CDH18: variants seen among roughly 807,000 people sequenced by gnomAD.
CDH18 encodes the protein cadherin-18.
A neutral mutation model predicts 67.9 loss-of-function variants in CDH18; 31 were observed. The ratio of observed to expected loss-of-function variants is 0.46; its 90% confidence interval spans 0.34 to 0.62. The LOEUF (loss-of-function observed/expected upper bound fraction) is 0.62, where lower values mean the gene tolerates loss of function less well. Among genes scored for constraint, CDH18 ranks in the 20% least tolerant of loss-of-function variants. The pLI is 0.01. For synonymous variants in CDH18, 362 were observed against 347.2 expected, an observed-to-expected ratio of 1.04 and a Z score of -0.48; for missense variants, 890 against 975.5, an observed-to-expected ratio of 0.91 and a Z score of 1.17.
At chr5:19,915,154 T>C (rs1435686100) in intron 2 of CDH18, among the ~76,000 whole-genome samples, 1 of 152,168 alleles carries the variant, frequency 6.6e-6, no homozygotes, top group Admixed American at 6.6e-5. Context: ...AATCTGTCTT[T>C]GATTTCTTAG....
intron 2 of CDH18, among the ~76,000 whole-genome samples, chr5:20,187,827 T>C (rs2126706823): frequency 6.6e-6 from 1 of 151,926 alleles, no homozygotes; most frequent in African/African-American, 2.4e-5. Flanking sequence ...CATATTAGGG[T>C]AGATTTTTAG....
intron 2 of CDH18, among the ~76,000 whole-genome samples, chr5:19,970,246 T>G (rs1797895093): frequency 1.3e-5 from 2 of 151,240 alleles, no homozygotes; most frequent in Non-Finnish European, 3.0e-5. Context: ...TAATACATAT[T>G]ATATATAAAT....
intron 10 of CDH18, 113 bp downstream of exon 10, chr5:19,520,544 A>T: frequency 1.2e-6 from 1 of 855,834 alleles, no homozygotes; most frequent in Non-Finnish European, 1.7e-6. Flanking sequence ...AATTATTTCC[A>T]CTGAGTACAA....
chr5:20,273,530 T>A (rs1745588521), intron 1 of CDH18, among the ~76,000 whole-genome samples: 1 of 152,128 alleles, frequency 6.6e-6, no homozygotes, highest in East Asian at 1.9e-4. Context: ...TGATGCAGTA[T>A]GATAACTAAG....
At chr5:19,776,874 A>G (rs1395181695) in intron 3 of CDH18, among the ~76,000 whole-genome samples, 1 of 152,250 alleles carries the variant, frequency 6.6e-6, no homozygotes, top group Non-Finnish European at 1.5e-5. Flanking sequence ...TAATAGGGAT[A>G]AAATGAAATG....
rs141749892 is a variant in CDH18 at position 19,874,659 on chromosome 5, T to A, written c.-256-35417A>T. 2.1e-3 allele frequency among the ~76,000 whole-genome samples: 317 copies of A among 152,314 alleles called. 6 individuals are homozygous for A. Among genetic ancestry groups the A allele is most frequent in the East Asian group, 4.2e-3 (22 of 5,182 alleles). On this transcript the variant is annotated intron_variant, in intron 2 of 12. Coordinates refer to ENST00000382275, the MANE Select transcript of CDH18 (RefSeq NM_004934.5). ...CATTTTAGAAAAATAAAGAATGGATTTAAAGAGAGAGAAATTGAATTGAAT... is the reference window on the plus strand; with the variant it reads ...CATTTTAGAAAAATAAAGAATGGATATAAAGAGAGAGAAATTGAATTGAAT...
Position 19,884,834 on chromosome 5 carries a change from T to C in CDH18, c.-256-45592A>G, listed in dbSNP as rs533899453. Among the ~76,000 whole-genome samples, 6 of 152,212 alleles carry C rather than the reference T, an allele frequency of 3.9e-5. No homozygotes were observed. In the East Asian group the frequency reaches 1.2e-3, roughly 29 times the overall value. On this transcript the variant is annotated intron_variant, in intron 2 of 12. Coordinates refer to ENST00000382275, the MANE Select transcript of CDH18 (RefSeq NM_004934.5). ...ATTTTTTAAACAGTCACTCTTTCTC[T>C]TTCCACTAAACTAGTATGATATGTA...
chr5:19,692,631 A>T (rs555356836), intron 5 of CDH18, among the ~76,000 whole-genome samples: 91 of 152,124 alleles, frequency 6.0e-4, no homozygotes, highest in Non-Finnish European at 9.9e-4. Flanking sequence ...TAAGAATAAT[A>T]CTAGATATCA....
At chr5:19,574,531 A>G (rs1283711336) in intron 7 of CDH18, among the ~76,000 whole-genome samples, 1 of 152,132 alleles carries the variant, frequency 6.6e-6, no homozygotes, top group African/African-American at 2.4e-5. Flanking sequence ...AATTATACTC[A>G]TTTATTTATG....
upstream of CDH18, among the ~76,000 whole-genome samples, chr5:19,990,068 A>G (rs889448543): frequency 6.6e-6 from 1 of 152,212 alleles, no homozygotes; most frequent in African/African-American, 2.4e-5. Context: ...CCAGACACAA[A>G]TTCTTAATTT....
chr5:20,344,890 T>C (rs555683130), intron 1 of CDH18, among the ~76,000 whole-genome samples: 1 of 152,302 alleles, frequency 6.6e-6, no homozygotes, highest in South Asian at 2.1e-4. Flanking sequence ...TCTCTGGTGT[T>C]ACCCATATGA....
intron 2 of CDH18, among the ~76,000 whole-genome samples, chr5:20,049,511 T>G (rs764279046): frequency 1.3e-5 from 2 of 151,666 alleles, no homozygotes; most frequent in Non-Finnish European, 3.0e-5. Flanking sequence ...AAAACGTACA[T>G]AAAATGTTAA....
In CDH18 at chr5:20,038,216, C is replaced by G. The variant is rs540289744; in HGVS notation, c.-517-46202G>C. On this transcript the variant is annotated intron_variant, in intron 2 of 14. Coordinates refer to the CDH18 transcript ENST00000507958. ...AATTGAGGCAGTAATGAATAGCCTA[C>G]AAACCAAAAAAAGCCCAGGACCAGA... 2.0e-5 allele frequency among the ~76,000 whole-genome samples: 3 copies of G among 152,088 alleles called. No homozygotes were observed. In the South Asian group the frequency reaches 6.2e-4, roughly 32 times the overall value.
intron 1 of CDH18, among the ~76,000 whole-genome samples, chr5:20,480,696 C>T (rs1752738818): frequency 6.6e-6 from 1 of 152,030 alleles, no homozygotes. Context: ...ATTACTGCAC[C>T]TGACCAAAGT....
chr5:19,954,069 A>T, intron 2 of CDH18, among the ~76,000 whole-genome samples: 1 of 152,048 alleles, frequency 6.6e-6, no homozygotes, highest in East Asian at 1.9e-4. Context: ...ACATCTTTGC[A>T]TTCATTTCAG....
intron 1 of CDH18, among the ~76,000 whole-genome samples, chr5:20,546,231 G>T (rs535167333): frequency 6.6e-6 from 1 of 152,108 alleles, no homozygotes; most frequent in African/African-American, 2.4e-5. Flanking sequence ...AAGTCTCTAG[G>T]AAGTTCCAAA....
chr5:20,392,911 T>A (rs963423078), intron 1 of CDH18, among the ~76,000 whole-genome samples: 3 of 151,772 alleles, frequency 2.0e-5, no homozygotes, highest in Non-Finnish European at 4.4e-5. Flanking sequence ...TTGAGAAAAA[T>A]GAAACTGAAA....
chr5:20,496,403 A>G (rs1411879227), intron 1 of CDH18, among the ~76,000 whole-genome samples: 1 of 152,162 alleles, frequency 6.6e-6, no homozygotes, highest in Admixed American at 6.6e-5. Context: ...TTAGGATAAA[A>G]ATTAGTGGAT....
intron 3 of CDH18, among the ~76,000 whole-genome samples, chr5:19,812,638 G>A (rs62355786): frequency 0.045 from 6,768 of 151,714 alleles, 192 homozygotes; most frequent in Non-Finnish European, 0.065. Flanking sequence ...ACAAAAATTT[G>A]TTAAGCAGAA....
Sources: gnomAD v4.1 joint callset for allele counts (sites outside exome capture counted in the v4.1 genomes callset) on GRCh38, gnomAD v4.1.1 for gene constraint, MANE v1.5 for transcripts, NCBI Gene and HGNC (gene_info 2026-07-23, HGNC 2026-07-21) for gene names.